Variants in LIN28B observed in about 807,000 individuals in gnomAD.
The protein encoded by LIN28B is lin-28 RNA binding posttranscriptional regulator B.
LIN28B carries 5 observed loss-of-function variants against 21.9 expected under a neutral mutation model. The observed-to-expected ratio is 0.23, with a 90% CI of 0.12 to 0.48. The LOEUF (loss-of-function observed/expected upper bound fraction) is 0.48. Among genes scored for constraint, LIN28B ranks in the 20% least tolerant of loss-of-function variants. The pLI is 0.98. For synonymous variants in LIN28B, 109 were observed against 111.3 expected (o/e 0.98, Z 0.13); for missense variants, 245 against 310.5 (o/e 0.79, Z 1.58).
intron 2 of LIN28B, among the ~76,000 whole-genome samples, chr6:104,998,786 G>A (rs896962546): frequency 1.3e-5 from 2 of 152,108 alleles, no homozygotes; most frequent in Admixed American, 1.3e-4. Context: ...TTTAACTAAA[G>A]TGAGTAAATT....
At chr6:104,963,520 AGGCCTTTCT>A (rs1188034704) in intron 2 of LIN28B, among the ~76,000 whole-genome samples, 1 of 152,196 alleles carries the variant, frequency 6.6e-6, no homozygotes, top group Non-Finnish European at 1.5e-5. Context: ...TTGAAGATGT[AGGCCTTTCT>A]CCTGTTTTAA....
intron 2 of LIN28B, among the ~76,000 whole-genome samples, chr6:105,017,072 C>CAAAAAA (rs56179020): frequency 1.4e-4 from 12 of 86,024 alleles, no homozygotes; most frequent in Non-Finnish European, 2.0e-4. Context: ...GACTCTGTCT[C>CAAAAAA]AAAAAAAAAA....
chr6:105,078,421 A>C lies in LIN28B; in HGVS notation c.391A>C (p.Asn131His). 6.2e-7 allele frequency: 1 copy of C among 1,600,358 alleles called. No individual in the cohort carries two copies. Among genetic ancestry groups the C allele is most frequent in the Non-Finnish European group, 8.6e-7 (1 of 1,168,620 alleles). ...CATCTTTTTTCCTTGTAGATGCTAC[A>C]ACTGTGGTGGCCTTGATCATCATGC... Reference protein sequence around the residue: ...KRKPKGDRCYNCGGLDHHAKE... With the variant: ...KRKPKGDRCYHCGGLDHHAKE... The change falls in exon 4 of 4, where the codon AAC becomes CAC. Residue 131 changes from asparagine (N) to histidine (H), a missense_variant. Transcript: ENST00000345080.
At chr6:104,986,243 G>A (rs550424944) in intron 2 of LIN28B, among the ~76,000 whole-genome samples, 9 of 152,188 alleles carry the variant, frequency 5.9e-5, no homozygotes, top group Admixed American at 5.9e-4. Context: ...TATGCTTCCT[G>A]TACAGCCCGA....
chr6:105,003,010 C>T (rs551812249), intron 2 of LIN28B, among the ~76,000 whole-genome samples: 2 of 152,062 alleles, frequency 1.3e-5, no homozygotes, highest in South Asian at 2.1e-4. Context: ...AGACTTCGGG[C>T]AGGTTAATTT....
At chr6:105,024,323 C>T (rs1771240694) in intron 2 of LIN28B, among the ~76,000 whole-genome samples, 1 of 152,112 alleles carries the variant, frequency 6.6e-6, no homozygotes, top group African/African-American at 2.4e-5. Flanking sequence ...CAAAACAAAA[C>T]ATATGAACAT....
chr6:105,003,016 A>G (rs759158160), intron 2 of LIN28B, among the ~76,000 whole-genome samples: 2 of 152,184 alleles, frequency 1.3e-5, no homozygotes, highest in African/African-American at 2.4e-5. Flanking sequence ...CGGGCAGGTT[A>G]ATTTGGGATT....
At chr6:104,975,879 G>T (rs140889400) in intron 2 of LIN28B, among the ~76,000 whole-genome samples, 85 of 141,984 alleles carry the variant, frequency 6.0e-4, no homozygotes, top group African/African-American at 2.2e-3. Context: ...GTTTCACCAC[G>T]TCGTCCAGGC....
chr6:105,072,758 A>AT (rs1367186704), intron 3 of LIN28B, among the ~76,000 whole-genome samples: 1 of 152,210 alleles, frequency 6.6e-6, no homozygotes, highest in Non-Finnish European at 1.5e-5. Flanking sequence ...GAATTTGGTT[A>AT]TGAGAAGAAT....
chr6:105,077,050 T>G (rs1562116310), intron 3 of LIN28B, among the ~76,000 whole-genome samples: 1 of 151,766 alleles, frequency 6.6e-6, no homozygotes, highest in Non-Finnish European at 1.5e-5. Context: ...GCCAACATGG[T>G]GAAACCCTGT....
intron 2 of LIN28B, among the ~76,000 whole-genome samples, chr6:105,023,235 T>TTATATTA (rs1272988640): frequency 1.0e-5 from 1 of 96,796 alleles, no homozygotes; most frequent in Non-Finnish European, 1.9e-5. Context: ...ATAATATATA[T>TTATATTA]TATATTATAT....
chr6:104,971,082 C>G (rs1291496386), intron 2 of LIN28B, among the ~76,000 whole-genome samples: 1 of 151,952 alleles, frequency 6.6e-6, no homozygotes, highest in African/African-American at 2.4e-5. Context: ...TTTTAGTGAA[C>G]AGTATAACTG....
chr6:105,016,968 G>T (rs1444917127), intron 2 of LIN28B, among the ~76,000 whole-genome samples: 3 of 151,268 alleles, frequency 2.0e-5, no homozygotes, highest in Non-Finnish European at 4.4e-5. Context: ...AGCAACTTGG[G>T]AGCCTGAAGT....
intron 3 of LIN28B, among the ~76,000 whole-genome samples, chr6:105,053,348 G>T (rs1771947783): frequency 1.3e-5 from 2 of 151,630 alleles, no homozygotes; most frequent in Admixed American, 1.3e-4. Context: ...TTAGATAATG[G>T]TGGTCGATAG....
chr6:105,053,883 A>G (rs1298312573), intron 3 of LIN28B, among the ~76,000 whole-genome samples: 1 of 152,052 alleles, frequency 6.6e-6, no homozygotes, highest in African/African-American at 2.4e-5. Context: ...GGCTGGGTTT[A>G]TGGGCACCTG....
intron 3 of LIN28B, among the ~76,000 whole-genome samples, chr6:105,064,220 AT>A (rs1772180225): frequency 6.6e-6 from 1 of 152,246 alleles, no homozygotes; most frequent in Non-Finnish European, 1.5e-5. Context: ...GTGTTAAAGA[AT>A]TTATTGAACA....
At chr6:104,999,976 A>G (rs1770688361) in intron 2 of LIN28B, among the ~76,000 whole-genome samples, 1 of 152,036 alleles carries the variant, frequency 6.6e-6, no homozygotes, top group African/African-American at 2.4e-5. Flanking sequence ...CTGTATTCAG[A>G]AGTTCTTTGA....
At chr6:104,996,744 G>C (rs751059627) in intron 2 of LIN28B, among the ~76,000 whole-genome samples, 13 of 152,046 alleles carry the variant, frequency 8.6e-5, no homozygotes, top group Non-Finnish European at 1.8e-4. Flanking sequence ...AGTGTTTGTG[G>C]ACAAAACTCC....
rs57532096 is a variant in LIN28B at position 105,043,341 on chromosome 6, CAAAAAAAAAAA to C, written c.383+16880_383+16890del. Among the ~76,000 whole-genome samples the C allele has an allele frequency of 4.7e-3, 354 of 75,358 alleles. 4 individuals carry two copies. The East Asian group carries it at 0.073, about 16-fold the overall frequency. 49.4% of individuals were successfully genotyped at this position (75,358 alleles called of 152,430 possible). ...AGAGCAACAGAGTGAGACTCTGTCT[CAAAAAAAAAAA>C]AAAAAAAAAAAAAAAAAAAAGAAAA... On this transcript the variant is annotated intron_variant, in intron 3 of 3. Transcript: ENST00000345080.
Sources: gnomAD v4.1 joint callset for allele counts (sites outside exome capture counted in the v4.1 genomes callset) on GRCh38, gnomAD v4.1.1 for gene constraint, MANE v1.5 for transcripts, NCBI Gene and HGNC (gene_info 2026-07-23, HGNC 2026-07-21) for gene names.